The following CCDC148 variants were observed in gnomAD, a reference collection of about 807,000 sequenced individuals.
The protein encoded by CCDC148 is coiled-coil domain containing 148.
CCDC148 carries 89 observed loss-of-function variants against 85.7 expected under a neutral mutation model. The observed-to-expected ratio is 1.04, with a 90% CI of 0.87 to 1.24. The LOEUF (loss-of-function observed/expected upper bound fraction) is 1.24, where lower values mean the gene tolerates loss of function less well. CCDC148 is among the 50% of genes most tolerant of loss of function. The pLI, the probability that CCDC148 is intolerant of heterozygous loss-of-function variation, is 0.00. For synonymous variants in CCDC148, 230 were observed against 213.9 expected (o/e 1.08, Z -0.66); for missense variants, 692 against 671.7 (o/e 1.03, Z -0.33).
At chr2:158,350,131 G>A (rs1683187873) in intron 2 of CCDC148, among the ~76,000 whole-genome samples, 1 of 152,104 alleles carries the variant, frequency 6.6e-6, no homozygotes, top group Admixed American at 6.6e-5. Flanking sequence ...GCACAAATAT[G>A]TAAATACAGA....
At chr2:158,346,593 G>A (rs550450383) in intron 2 of CCDC148, among the ~76,000 whole-genome samples, 3 of 152,032 alleles carry the variant, frequency 2.0e-5, no homozygotes, top group Non-Finnish European at 2.9e-5. Flanking sequence ...TCTGTTCCCT[G>A]GTTAGACTCT....
At chr2:158,217,881 A>G (rs1472593398) in intron 11 of CCDC148, among the ~76,000 whole-genome samples, 1 of 152,182 alleles carries the variant, frequency 6.6e-6, no homozygotes, top group Non-Finnish European at 1.5e-5. Flanking sequence ...AATATCAAAC[A>G]TAAGGTTTAT....
At chr2:158,442,060 T>C (rs1224227172) in intron 1 of CCDC148, among the ~76,000 whole-genome samples, 1 of 152,180 alleles carries the variant, frequency 6.6e-6, no homozygotes, top group Admixed American at 6.5e-5. Context: ...TGTTATTAGA[T>C]TTGGCTGCCT....
chr2:158,357,508 A>T (rs1326205104), intron 2 of CCDC148, among the ~76,000 whole-genome samples: 1 of 152,222 alleles, frequency 6.6e-6, no homozygotes, highest in East Asian at 1.9e-4. Context: ...TACAATAAAC[A>T]GAAGTCAGGA....
intron 1 of CCDC148, among the ~76,000 whole-genome samples, chr2:158,408,220 C>CT (rs1177949315): frequency 6.6e-6 from 1 of 152,086 alleles, no homozygotes; most frequent in Admixed American, 6.6e-5. Flanking sequence ...TAACCATTTT[C>CT]TTTTTTCTTT....
chr2:158,186,129 T>A (rs911427709), intron 11 of CCDC148, among the ~76,000 whole-genome samples: 1 of 152,076 alleles, frequency 6.6e-6, no homozygotes, highest in Non-Finnish European at 1.5e-5. Context: ...CAGAAAGTTG[T>A]ACACATTGAC....
At chr2:158,445,944 C>T (rs1688138861) in intron 1 of CCDC148, among the ~76,000 whole-genome samples, 1 of 152,106 alleles carries the variant, frequency 6.6e-6, no homozygotes, top group Non-Finnish European at 1.5e-5. Flanking sequence ...ACTCTAAGGA[C>T]AGTTCACCCC....
At chr2:158,283,881 G>A (rs1163325912) in intron 9 of CCDC148, among the ~76,000 whole-genome samples, 1 of 152,018 alleles carries the variant, frequency 6.6e-6, no homozygotes, top group Non-Finnish European at 1.5e-5. Context: ...CAACCAAAAT[G>A]TCCAACAATG....
At chr2:158,343,970 T>C (rs373973885) in intron 3 of CCDC148, among the ~76,000 whole-genome samples, 104 of 152,252 alleles carry the variant, frequency 6.8e-4, no homozygotes, top group Middle Eastern at 6.8e-3. Flanking sequence ...CCCATAATGA[T>C]ATGTATACAC....
chr2:158,234,632 A>C (rs1473076455), intron 10 of CCDC148, among the ~76,000 whole-genome samples: 1 of 152,208 alleles, frequency 6.6e-6, no homozygotes, highest in Non-Finnish European at 1.5e-5. Context: ...GAAAAATTGG[A>C]AACAATGTAA....
rs1193231235 is a variant in CCDC148 at position 158,351,696 on chromosome 2, A to G, written c.148-6378T>C. Among the ~76,000 whole-genome samples, 121 of 152,048 alleles carry G rather than the reference A, an allele frequency of 8.0e-4. 1 individual carries two copies. Among genetic ancestry groups the G allele is most frequent in the South Asian group, 2.5e-3 (12 of 4,814 alleles). On this transcript the variant is annotated intron_variant, in intron 2 of 13. Transcript: ENST00000283233. ...GCTTGATTAGGTAAACAAAGCAGCC[A>G]GGAAGCTCCAACTGGGCGGAGCCCA...
chr2:158,328,312 C>A (rs1288916553), intron 7 of CCDC148, among the ~76,000 whole-genome samples: 4 of 152,062 alleles, frequency 2.6e-5, no homozygotes, highest in Non-Finnish European at 5.9e-5. Context: ...TGCTTTCCAG[C>A]TTCATACATG....
At chr2:158,247,395 A>G (rs1688608969) in intron 10 of CCDC148, among the ~76,000 whole-genome samples, 1 of 152,208 alleles carries the variant, frequency 6.6e-6, no homozygotes, top group Non-Finnish European at 1.5e-5. Context: ...TGAATCTACA[A>G]CACAGTTATT....
intron 9 of CCDC148, among the ~76,000 whole-genome samples, chr2:158,307,081 A>G (rs1691729702): frequency 6.6e-6 from 1 of 151,942 alleles, no homozygotes; most frequent in Non-Finnish European, 1.5e-5. Flanking sequence ...TTAAAAATAA[A>G]AAAAAGTACT....
chr2:158,346,655 A>C (rs1683010267), intron 2 of CCDC148, among the ~76,000 whole-genome samples: 2 of 152,240 alleles, frequency 1.3e-5, no homozygotes, highest in African/African-American at 4.8e-5. Flanking sequence ...TAACAATTTT[A>C]AACTACAAAC....
intron 2 of CCDC148, among the ~76,000 whole-genome samples, chr2:158,350,033 A>G (rs947975180): frequency 6.6e-6 from 1 of 152,146 alleles, no homozygotes; most frequent in Admixed American, 6.5e-5. Flanking sequence ...TTTCTAGAAA[A>G]GCTTCTTCCT....
In CCDC148 at chr2:158,242,345, C is replaced by T. The variant is rs141476724; in HGVS notation, c.1251+8427G>A. On this transcript the variant is annotated intron_variant, in intron 10 of 13. Transcript: ENST00000283233. ...ACTGGGGTAACAATAATAAAAGTAA[C>T]AATTAGAACATCATTTACTGAGGCC... 5.9e-5 allele frequency among the ~76,000 whole-genome samples: 9 copies of T among 152,236 alleles called. No homozygotes were observed. In the East Asian group the frequency reaches 1.5e-3, roughly 26 times the overall value.
chr2:158,453,361 T>A (rs1009747875), intron 1 of CCDC148, among the ~76,000 whole-genome samples: 8 of 152,206 alleles, frequency 5.3e-5, no homozygotes, highest in Admixed American at 2.6e-4. Context: ...AGGATTTGTA[T>A]AATATATTCA....
intron 1 of CCDC148, among the ~76,000 whole-genome samples, chr2:158,391,635 T>C (rs906134209): frequency 4.6e-5 from 7 of 152,192 alleles, no homozygotes; most frequent in African/African-American, 1.7e-4. Flanking sequence ...CAAGGATAAG[T>C]AATTCTTAAA....
Sources: allele counts gnomAD v4.1 joint callset (sites outside exome capture counted in the v4.1 genomes callset), GRCh38; gene constraint gnomAD v4.1.1; transcripts MANE v1.5; gene names NCBI Gene and HGNC (gene_info 2026-07-23, HGNC 2026-07-21).